EPHB1: variants seen among roughly 807,000 people sequenced by gnomAD.
EPHB1 encodes the protein EPH receptor B1, also known as ephrin type-B receptor 1.
A neutral mutation model predicts 94.4 loss-of-function variants in EPHB1; 30 were observed. The observed-to-expected ratio is 0.32, with a 90% confidence interval of 0.24 to 0.43. The LOEUF is 0.43. Among genes scored for constraint, EPHB1 ranks in the 20% least tolerant of loss-of-function variants. The pLI, the probability that EPHB1 is intolerant of heterozygous loss-of-function variation, is 1.00. For synonymous variants in EPHB1, 522 were observed against 489.1 expected (o/e 1.07, Z -0.89); for missense variants, 1,055 against 1,308.3 (o/e 0.81, Z 2.99).
chr3:135,128,833 T>C (rs1389825724), intron 4 of EPHB1, among the ~76,000 whole-genome samples: 2 of 152,056 alleles, frequency 1.3e-5, no homozygotes, highest in East Asian at 3.9e-4. Flanking sequence ...TGAATGGTCA[T>C]TTTTTTGTGG....
rs147303098 is a variant in EPHB1 at position 134,948,150 on chromosome 3, C to A, written c.124-3221C>A. On this transcript the variant is annotated intron_variant, in intron 2 of 15. Transcript: ENST00000398015. ...TGACTGTCTCAGTGCTAAGGTGAAG[C>A]CCACATCAGAGCTCCTTTAGTCTTG... Among the ~76,000 whole-genome samples the A allele has an allele frequency of 3.8e-3, 576 of 152,074 alleles. 5 individuals are homozygous for A. Among genetic ancestry groups the A allele is most frequent in the African/African-American group, 0.013 (533 of 41,468 alleles).
rs141718319 is a variant in EPHB1, at chr3:134,815,007, C to T, written c.58+19318C>T. On this transcript the variant is annotated intron_variant, in intron 1 of 15. Coordinates refer to ENST00000398015, the MANE Select transcript of EPHB1 (RefSeq NM_004441.5). ...TAAACTTCTGCATCAGGGAAGCAGC[C>T]TCTTTAAATAAATTAACAAGCTTAT... Among the ~76,000 whole-genome samples the T allele has an allele frequency of 4.3e-3, 651 of 152,232 alleles. 2 individuals are homozygous for T. The highest frequency in any genetic ancestry group is 0.014 in the South Asian group (67 of 4,826).
intron 3 of EPHB1, among the ~76,000 whole-genome samples, chr3:135,012,291 G>A (rs947968582): frequency 6.6e-6 from 1 of 152,210 alleles, no homozygotes; most frequent in Admixed American, 6.5e-5. Context: ...TGCTTGGTGT[G>A]CATTTGGCTG....
intron 3 of EPHB1, among the ~76,000 whole-genome samples, chr3:135,085,648 C>T (rs1359861300): frequency 3.9e-5 from 6 of 152,184 alleles, no homozygotes; most frequent in Non-Finnish European, 5.9e-5. Flanking sequence ...CCTGAGGACC[C>T]GGGCCTCTCA....
chr3:135,138,240 G>A (rs1940692461), intron 5 of EPHB1, among the ~76,000 whole-genome samples: 1 of 152,088 alleles, frequency 6.6e-6, no homozygotes, highest in African/African-American at 2.4e-5. Flanking sequence ...TAAAAATGCT[G>A]CACTATTTCT....
At chr3:134,930,475 G>A (rs998355056) in intron 2 of EPHB1, among the ~76,000 whole-genome samples, 10 of 152,186 alleles carry the variant, frequency 6.6e-5, no homozygotes, top group Non-Finnish European at 1.2e-4. Context: ...TCCCACTAAC[G>A]GGCTATCCCA....
At chr3:134,895,573 G>C (rs2038071318) in intron 1 of EPHB1, among the ~76,000 whole-genome samples, 1 of 152,168 alleles carries the variant, frequency 6.6e-6, no homozygotes, top group African/African-American at 2.4e-5. Context: ...ATGGTGCTAG[G>C]ACCTTTTACG....
At position 135,002,612 on chromosome 3, in the gene EPHB1, A is replaced by G. The variant is rs964333371; in HGVS notation, c.805+50560A>G. On this transcript the variant is annotated intron_variant, in intron 3 of 15. Transcript: ENST00000398015. The stretch of plus-strand genomic sequence containing the variant: ...CTGGACTCTTTTTGGTTGGTAAGCT[A>G]TTGATTATTGCCACAACTTCAGATC... Among the ~76,000 whole-genome samples the G allele has an allele frequency of 1.2e-4, 18 of 151,896 alleles. 1 individual carries two copies. The highest frequency in any genetic ancestry group is 4.1e-4 in the African/African-American group (17 of 41,392).
At chr3:135,180,662 C>T (rs1434526742) in intron 10 of EPHB1, among the ~76,000 whole-genome samples, 1 of 152,136 alleles carries the variant, frequency 6.6e-6, no homozygotes, top group African/African-American at 2.4e-5. Flanking sequence ...GGAAATCATA[C>T]CTAAGACTGA....
chr3:135,011,568 C>A (rs1049517683), intron 3 of EPHB1, among the ~76,000 whole-genome samples: 9 of 152,178 alleles, frequency 5.9e-5, no homozygotes, highest in African/African-American at 2.2e-4. Flanking sequence ...GAGGCTGCTG[C>A]TCTGCCTGCT....
At chr3:134,819,937 G>A (rs1242410418) in intron 1 of EPHB1, among the ~76,000 whole-genome samples, 5 of 152,182 alleles carry the variant, frequency 3.3e-5, no homozygotes, top group African/African-American at 9.7e-5. Flanking sequence ...TTTAATCAGT[G>A]TCAGCTAATT....
At chr3:135,111,899 C>G (rs747625488) in intron 4 of EPHB1, among the ~76,000 whole-genome samples, 1 of 152,134 alleles carries the variant, frequency 6.6e-6, no homozygotes, top group East Asian at 1.9e-4. Flanking sequence ...AGGCTGGTCT[C>G]GAACTCCTGA....
At position 135,231,135 on chromosome 3, in the gene EPHB1, C is replaced by T. The variant is rs144490868; in HGVS notation, c.2347-10013C>T. Among the ~76,000 whole-genome samples the T allele has an allele frequency of 5.6e-4, 85 of 152,298 alleles. No individual in the cohort carries two copies. In the East Asian group the frequency reaches 0.016, roughly 28 times the overall value. On this transcript the variant is annotated intron_variant, in intron 12 of 15. Transcript: ENST00000398015. ...TTTCTTTGCCCTTTATTGTCCCTGG[C>T]CTGGCTCAGAGAGGGGCCTGCTTGT...
chr3:135,053,027 GTATATATATATATATA>G lies in EPHB1; in HGVS notation c.806-53408_806-53393del, dbSNP rs1243029809. Among the ~76,000 whole-genome samples the G allele has an allele frequency of 3.6e-5, 4 of 110,464 alleles. No individual in the cohort carries two copies. In the South Asian group the frequency reaches 1.2e-3, roughly 32 times the overall value. The allele number at this position is 110,464 out of a possible 152,430, so 72.5% of individuals were successfully genotyped here. On this transcript the variant is annotated intron_variant, in intron 3 of 15. Transcript: ENST00000398015. ...TGTGTATATATATGTGTGTGTGTGT[GTATATATATATATATA>G]TATATATATATAAAGTTGGTGTGTT...
rs1316674854 is a variant in EPHB1, at chr3:135,259,784, A to T, written c.*664A>T. On this transcript the variant is annotated 3_prime_UTR_variant, in exon 16 of 16. Coordinates refer to ENST00000398015, the MANE Select transcript of EPHB1 (RefSeq NM_004441.5). ...TTTTCTTTTGTTTGCATTTTCTGCA[A>T]AAAGGAAAAAGAAACCACAAATTGG... 4.6e-6 allele frequency: 1 copy of T among 215,764 alleles called. No individual in the cohort carries two copies. The highest frequency in any genetic ancestry group is 2.3e-5 in the African/African-American group (1 of 44,202). 13.4% of individuals were successfully genotyped at this position (215,764 alleles called of 1,614,324 possible). A position where few individuals can be genotyped will look rare whatever the true frequency, so the allele number is the denominator to read the frequency against.
intron 4 of EPHB1, among the ~76,000 whole-genome samples, chr3:135,118,790 C>T (rs1321133366): frequency 6.6e-6 from 1 of 152,212 alleles, no homozygotes; most frequent in Non-Finnish European, 1.5e-5. Flanking sequence ...CTAGCAACCC[C>T]TACCGAGTAT....
chr3:134,865,826 G>T (rs546770408), intron 1 of EPHB1, among the ~76,000 whole-genome samples: 1 of 152,302 alleles, frequency 6.6e-6, no homozygotes, highest in South Asian at 2.1e-4. Flanking sequence ...TATGTATTAG[G>T]TTCAACCATT....
intron 1 of EPHB1, among the ~76,000 whole-genome samples, chr3:134,844,473 A>G (rs1375220412): frequency 6.6e-6 from 1 of 152,180 alleles, no homozygotes; most frequent in African/African-American, 2.4e-5. Context: ...CCAAGTATAC[A>G]CTTGCCCCAG....
chr3:135,108,523 G>C (rs1939314070), intron 4 of EPHB1, among the ~76,000 whole-genome samples: 1 of 152,188 alleles, frequency 6.6e-6, no homozygotes, highest in Non-Finnish European at 1.5e-5. Flanking sequence ...AGATGCCTCT[G>C]TGTGTCCAGC....
Sources: gnomAD v4.1 joint callset for allele counts (sites outside exome capture counted in the v4.1 genomes callset) on GRCh38, gnomAD v4.1.1 for gene constraint, MANE v1.5 for transcripts, NCBI Gene and HGNC (gene_info 2026-07-23, HGNC 2026-07-21) for gene names.